PTK2B: variants seen among roughly 807,000 people sequenced by gnomAD.
The protein encoded by PTK2B is protein-tyrosine kinase 2-beta.
In PTK2B, 71 loss-of-function variants were observed where a neutral mutation model predicts 142.9. The observed-to-expected ratio is 0.50, with a 90% CI of 0.41 to 0.61. The LOEUF is 0.61. PTK2B is among the 20% of genes least tolerant of loss of function. PTK2B has a pLI of 0.00. For synonymous variants in PTK2B, 519 were observed against 503.4 expected, an observed-to-expected ratio of 1.03 and a Z score of -0.42; for missense variants, 1,105 against 1,320.4, an observed-to-expected ratio of 0.84 and a Z score of 2.53.
rs1195022807 is a variant in PTK2B, at chr8:27,437,176, G to T, written c.1396G>T (p.Asp466Tyr). ...VKTCKKDCTL[D>Y]NKEKFMSEAV... ...GACCTGCAAGAAAGACTGCACTCTG[G>T]ACAACAAGGAGAAGTTCATGAGCGA... is the stretch of plus-strand genomic sequence containing the variant. Residue 466 changes from aspartate (D) to tyrosine (Y), a missense_variant, in exon 16 of 31, where the codon GAC becomes TAC. Transcript: ENST00000346049. The T allele has an allele frequency of 1.2e-6, 2 of 1,613,936 alleles. No homozygotes were observed. The highest frequency in any genetic ancestry group is 2.7e-5 in the African/African-American group (2 of 74,890).
upstream of PTK2B, among the ~76,000 whole-genome samples, chr8:27,310,529 C>T (rs1299312072): frequency 5.3e-5 from 8 of 152,284 alleles, no homozygotes; most frequent in Non-Finnish European, 4.4e-5. Flanking sequence ...GGCCTGGGCC[C>T]TTCAGAAGCA....
At chr8:27,445,063 C>A (rs1211430922) in intron 23 of PTK2B, among the ~76,000 whole-genome samples, 3 of 152,012 alleles carry the variant, frequency 2.0e-5, no homozygotes, top group African/African-American at 7.3e-5. Flanking sequence ...AAGAGATATA[C>A]CCATGTGCAA....
intron 1 of PTK2B, among the ~76,000 whole-genome samples, chr8:27,339,372 G>A (rs527959215): frequency 6.6e-6 from 1 of 152,312 alleles, no homozygotes; most frequent in South Asian, 2.1e-4. Context: ...TCTCTGGGGT[G>A]AGACAGTCTG....
intron 5 of PTK2B, among the ~76,000 whole-genome samples, chr8:27,429,165 T>C (rs1255060364): frequency 1.3e-5 from 2 of 152,162 alleles, no homozygotes; most frequent in African/African-American, 4.8e-5. Context: ...TCGGCCTCCC[T>C]AAGTGCTGGG....
At chr8:27,385,245 TC>T (rs1231801716) in intron 1 of PTK2B, among the ~76,000 whole-genome samples, 1 of 152,188 alleles carries the variant, frequency 6.6e-6, no homozygotes, top group Non-Finnish European at 1.5e-5. Context: ...TGCTGCTGTT[TC>T]TCAGAAGTGA....
At chr8:27,318,659 G>C (rs1212597243) in intron 3 of PTK2B, among the ~76,000 whole-genome samples, 1 of 152,140 alleles carries the variant, frequency 6.6e-6, no homozygotes, top group Non-Finnish European at 1.5e-5. Flanking sequence ...GGTTTTGTTT[G>C]TTTGTTTTTG....
At chr8:27,453,256 ATCCAGTT>A (rs1364762931) in intron 28 of PTK2B, 96 bp downstream of exon 28, 1 of 1,528,256 alleles carries the variant, frequency 6.5e-7, no homozygotes, top group African/African-American at 1.4e-5. Context: ...CTCAGATAGA[ATCCAGTT>A]CAGTGTCCTC....
In PTK2B at chr8:27,434,564, G is replaced by T; in HGVS notation, c.1192+5G>T. ...TCTCAGAGAGCTGCAGCATAGGTGA[G>T]CTGCCCGCTGCATCCTCCACCTGCT... On this transcript the variant is annotated splice_donor_5th_base_variant and intron_variant, in intron 13 of 30. Coordinates refer to ENST00000346049, the MANE Select transcript of PTK2B (RefSeq NM_173176.3). 6.3e-7 allele frequency: 1 copy of T among 1,599,174 alleles called. No homozygotes were observed. Among genetic ancestry groups the T allele is most frequent in the Non-Finnish European group, 8.5e-7 (1 of 1,172,788 alleles).
intron 3 of PTK2B, among the ~76,000 whole-genome samples, chr8:27,318,364 C>T (rs572787875): frequency 6.6e-6 from 1 of 152,322 alleles, no homozygotes; most frequent in Non-Finnish European, 1.5e-5. Flanking sequence ...CTCAATGCTT[C>T]AGAGCTTATC....
chr8:27,330,729 G>A (rs1435698300), intron 1 of PTK2B, among the ~76,000 whole-genome samples: 1 of 152,194 alleles, frequency 6.6e-6, no homozygotes, highest in African/African-American at 2.4e-5. Context: ...GCAGACTTGA[G>A]GCTGCATGTT....
chr8:27,320,328 C>T (rs1009144776), intron 3 of PTK2B, among the ~76,000 whole-genome samples: 3 of 152,134 alleles, frequency 2.0e-5, no homozygotes, highest in African/African-American at 4.8e-5. Flanking sequence ...CAACACTGAG[C>T]GTCCCATAAT....
intron 10 of PTK2B, 68 bp from the exon 11 acceptor site, chr8:27,433,367 T>C (rs1487103785): frequency 1.4e-6 from 2 of 1,381,266 alleles, no homozygotes; most frequent in African/African-American, 2.9e-5. Context: ...CCATCTCTTC[T>C]CCAGCCCTGG....
chr8:27,459,261 ACTC>A lies in PTK2B; in HGVS notation c.*759_*761del, dbSNP rs1198865516. Reference sequence around the variant, plus strand: ...TTCCCTTGCTTTTCCCTCTTTTCTTACTCCTCCTCTTTCTCTCCCCAACCCCCA... The same window carrying A: ...TTCCCTTGCTTTTCCCTCTTTTCTTACTCCTCTTTCTCTCCCCAACCCCCA... On this transcript the variant is annotated 3_prime_UTR_variant, in exon 31 of 31. Transcript: ENST00000346049. 5 of 230,596 alleles carry A rather than the reference ACTC, an allele frequency of 2.2e-5. No homozygotes were observed. The highest frequency in any genetic ancestry group is 3.4e-5 in the Non-Finnish European group (4 of 117,566). The allele number at this position is 230,596 out of a possible 1,614,324, so 14.3% of individuals were successfully genotyped here.
intron 2 of PTK2B, among the ~76,000 whole-genome samples, chr8:27,410,792 G>T (rs941987881): frequency 6.6e-6 from 1 of 152,200 alleles, no homozygotes; most frequent in African/African-American, 2.4e-5. Flanking sequence ...TTGCTTCTTT[G>T]TTTCTGACCT....
At chr8:27,369,595 A>G (rs1806220788) in intron 1 of PTK2B, among the ~76,000 whole-genome samples, 1 of 152,078 alleles carries the variant, frequency 6.6e-6, no homozygotes, top group Admixed American at 6.6e-5. Context: ...GCTTGAATCC[A>G]AGAGGCAGAG....
chr8:27,396,155 A>C (rs1454665091), intron 1 of PTK2B: 1 of 152,122 alleles, frequency 6.6e-6, no homozygotes, highest in Non-Finnish European at 1.5e-5. Flanking sequence ...TCCTTCTCTC[A>C]TCCTTGCCTC....
intron 1 of PTK2B, among the ~76,000 whole-genome samples, chr8:27,382,401 A>G (rs1214433487): frequency 6.6e-6 from 1 of 152,146 alleles, no homozygotes. Context: ...CCCATTCTAC[A>G]GGTTGCCTGG....
intron 4 of PTK2B, among the ~76,000 whole-genome samples, chr8:27,421,266 C>T (rs868484624): frequency 2.7e-4 from 41 of 150,966 alleles, no homozygotes; most frequent in African/African-American, 9.5e-4. Flanking sequence ...TTCCCTTACA[C>T]GTAGCACTTA....
At chr8:27,364,340 C>T (rs1294058072) in intron 1 of PTK2B, among the ~76,000 whole-genome samples, 1 of 152,238 alleles carries the variant, frequency 6.6e-6, no homozygotes, top group African/African-American at 2.4e-5. Context: ...AATTCCAGGT[C>T]CTATGCTAAA....
Sources: allele counts gnomAD v4.1 joint callset (sites outside exome capture counted in the v4.1 genomes callset), GRCh38; gene constraint gnomAD v4.1.1; transcripts MANE v1.5; gene names NCBI Gene and HGNC (gene_info 2026-07-23, HGNC 2026-07-21).